Variants in ZNF469 observed in about 807,000 individuals in gnomAD.
ZNF469 encodes the protein zinc finger protein 469.
A neutral mutation model predicts 1.0 loss-of-function variants in ZNF469; 1 was observed. The observed-to-expected ratio is 1.00, with a 90% CI of 0.35 to 4.73. The LOEUF (loss-of-function observed/expected upper bound fraction) is 4.73. ZNF469 is among the 30% of genes most tolerant of loss of function. The pLI is 0.16. For missense variants in ZNF469, 6,100 were observed against 5,356.3 expected (o/e 1.14, Z -4.33); for synonymous variants, 2,703 against 2,363.4 (o/e 1.14, Z -4.17).
At chr16:88,316,545 C>CTTTTTTTTTTTTTTT in the ZNF469 span, among the ~76,000 whole-genome samples, 6 of 100,990 alleles carry the variant, frequency 5.9e-5, no homozygotes, top group African/African-American at 2.1e-4. Context: ...TAGGTGCTGT[C>CTTTTTTTTTTTTTTT]TTTTTTTTTT....
the ZNF469 span, among the ~76,000 whole-genome samples, chr16:88,123,211 G>T: frequency 2.6e-5 from 4 of 152,134 alleles, no homozygotes; most frequent in African/African-American, 9.7e-5. Flanking sequence ...GCTTTCCCTT[G>T]CTTGGATGAG....
chr16:88,304,612 T>C, the ZNF469 span, among the ~76,000 whole-genome samples: 44 of 152,298 alleles, frequency 2.9e-4, no homozygotes, highest in African/African-American at 1.1e-3. Context: ...GCTTCTGCTC[T>C]CTGTGGCATG....
In ZNF469 at chr16:88,427,431, T is replaced by C; in HGVS notation, c.-40T>C. 1 of 1,444,346 alleles carries C rather than the reference T, an allele frequency of 6.9e-7. No individual in the cohort carries two copies. Among genetic ancestry groups the C allele is most frequent in the Non-Finnish European group, 9.1e-7 (1 of 1,101,140 alleles). The allele number at this position is 1,444,346 out of a possible 1,614,324, so 89.5% of individuals were successfully genotyped here. On this transcript the variant is annotated 5_prime_UTR_variant, in exon 3 of 3. Coordinates refer to ENST00000565624, the MANE Select transcript of ZNF469 (RefSeq NM_001367624.2). The stretch of plus-strand genomic sequence containing the variant: ...TCCAGCCCACTCCCCAGGGCCCCCC[T>C]CGGACAGCTGCGTCGTCCTAGCGCC...
At chr16:88,406,884 C>G (rs1447678558) in intron 1 of ZNF469, among the ~76,000 whole-genome samples, 1 of 152,204 alleles carries the variant, frequency 6.6e-6, no homozygotes, top group East Asian at 1.9e-4. Context: ...TCTCCTGATT[C>G]CCCCTAGCGG....
At chr16:88,358,866 G>A in the ZNF469 span, among the ~76,000 whole-genome samples, 28 of 152,092 alleles carry the variant, frequency 1.8e-4, no homozygotes, top group Admixed American at 1.6e-3. Context: ...TTACAGGCGC[G>A]TGCCACCATG....
At chr16:88,164,798 G>A in the ZNF469 span, among the ~76,000 whole-genome samples, 1 of 152,168 alleles carries the variant, frequency 6.6e-6, no homozygotes, top group African/African-American at 2.4e-5. Context: ...TGGGTTTCTG[G>A]GTGGTGGGTC....
chr16:88,375,799 G>A, the ZNF469 span, among the ~76,000 whole-genome samples: 1 of 152,220 alleles, frequency 6.6e-6, no homozygotes, highest in African/African-American at 2.4e-5. Flanking sequence ...GAAGGAAATC[G>A]TCTGACTGCC....
chr16:88,302,170 C>T, the ZNF469 span, among the ~76,000 whole-genome samples: 89,654 of 151,692 alleles, frequency 0.59, 27,037 homozygotes, highest in East Asian at 0.77. Flanking sequence ...GGGTAACCGA[C>T]GCCAGGGAGG....
the ZNF469 span, among the ~76,000 whole-genome samples, chr16:88,247,657 A>AGTGAATGAGTGAATC: frequency 3.3e-5 from 5 of 151,978 alleles, no homozygotes; most frequent in African/African-American, 1.2e-4. Context: ...TGAGTGAGTG[A>AGTGAATGAGTGAATC]GTGAATGAGT....
At chr16:88,383,354 C>G (rs1328126453) in intron 1 of ZNF469, among the ~76,000 whole-genome samples, 100 bp downstream of exon 1, 1 of 147,602 alleles carries the variant, frequency 6.8e-6, no homozygotes, top group African/African-American at 2.4e-5. Context: ...GTCTCCGGCC[C>G]GGCTCCCGCT....
chr16:88,186,679 C>G, the ZNF469 span, among the ~76,000 whole-genome samples: 4 of 152,160 alleles, frequency 2.6e-5, no homozygotes, highest in African/African-American at 9.7e-5. Flanking sequence ...CGGTCAAAGT[C>G]GCACACGGGG....
the ZNF469 span, among the ~76,000 whole-genome samples, chr16:88,376,390 G>C: frequency 6.6e-6 from 1 of 152,232 alleles, no homozygotes; most frequent in Non-Finnish European, 1.5e-5. Flanking sequence ...CGGGGTGAGA[G>C]GGGGAGGGAA....
chr16:88,401,931 G>GATGGATGGATGGATGC (rs1348398921), intron 1 of ZNF469, among the ~76,000 whole-genome samples: 1 of 53,488 alleles, frequency 1.9e-5, no homozygotes, highest in African/African-American at 1.4e-4. Flanking sequence ...TGGATGGATG[G>GATGGATGGATGGATGC]ATAGATACGT....
chr16:88,278,762 G>A, the ZNF469 span, among the ~76,000 whole-genome samples: 31 of 136,010 alleles, frequency 2.3e-4, 3 homozygotes, highest in African/African-American at 7.3e-4. Flanking sequence ...GCTGCGCCAC[G>A]CCGACACTTG....
chr16:88,120,510 G>A, the ZNF469 span, among the ~76,000 whole-genome samples: 2 of 152,240 alleles, frequency 1.3e-5, no homozygotes, highest in African/African-American at 2.4e-5. Context: ...TTACTGTGAC[G>A]GTCACCTGGA....
chr16:88,157,444 G>A, the ZNF469 span, among the ~76,000 whole-genome samples: 1 of 152,152 alleles, frequency 6.6e-6, no homozygotes, highest in Non-Finnish European at 1.5e-5. Context: ...GACAGTTCGA[G>A]CTGTGTCCTG....
At chr16:88,168,422 G>A in the ZNF469 span, among the ~76,000 whole-genome samples, 12 of 152,300 alleles carry the variant, frequency 7.9e-5, no homozygotes, top group African/African-American at 2.4e-4. This position sits in a 1 kb window ranked among gnomAD's most constrained non-coding sequence, Gnocchi z 4.3. Context: ...TCACCTGCCC[G>A]CTGTGGGCCT....
the ZNF469 span, among the ~76,000 whole-genome samples, chr16:88,123,189 C>G: frequency 6.6e-6 from 1 of 152,120 alleles, no homozygotes; most frequent in East Asian, 1.9e-4. Flanking sequence ...CCTTGTATGC[C>G]CCAACCCGTC....
chr16:88,400,498 G>A (rs778490385), intron 1 of ZNF469, among the ~76,000 whole-genome samples: 4 of 152,244 alleles, frequency 2.6e-5, no homozygotes, highest in Non-Finnish European at 5.9e-5. Context: ...GGTCTTGGAA[G>A]CAGTTTGCTC....
Sources: allele counts gnomAD v4.1 joint callset (sites outside exome capture counted in the v4.1 genomes callset), GRCh38; gene constraint gnomAD v4.1.1; non-coding constraint Gnocchi (gnomAD v3.1); transcripts MANE v1.5; gene names NCBI Gene and HGNC (gene_info 2026-07-23, HGNC 2026-07-21).